The following PDE4D variants were observed in gnomAD, a reference collection of about 807,000 sequenced individuals.
PDE4D encodes the protein 3',5'-cyclic-AMP phosphodiesterase 4D.
A neutral mutation model predicts 87.4 loss-of-function variants in PDE4D; 24 were observed. The ratio of observed to expected loss-of-function variants is 0.27; its 90% CI spans 0.20 to 0.39. The LOEUF is 0.39. Among genes scored for constraint, PDE4D ranks in the 10% least tolerant of loss-of-function variants. The pLI, the probability that PDE4D is intolerant of heterozygous loss-of-function variation, is 1.00. For synonymous variants in PDE4D, 384 were observed against 383.2 expected (o/e 1.00, Z -0.02); for missense variants, 714 against 1,041.0 (o/e 0.69, Z 4.32).
chr5:60,386,579 TCCA>T (rs1762208499), intron 1 of PDE4D, among the ~76,000 whole-genome samples: 3 of 152,184 alleles, frequency 2.0e-5, no homozygotes, highest in African/African-American at 7.2e-5. Flanking sequence ...TTCTGCCAGC[TCCA>T]GCACTGATGG....
chr5:60,335,009 C>T (rs1332612473), intron 1 of PDE4D: 3 of 152,136 alleles, frequency 2.0e-5, no homozygotes, highest in East Asian at 1.9e-4. Context: ...ACACCAAAGG[C>T]CTGTTCTAGG....
chr5:58,990,237 A>G (rs1747578164), intron 9 of PDE4D, among the ~76,000 whole-genome samples: 1 of 152,058 alleles, frequency 6.6e-6, no homozygotes, highest in Admixed American at 6.6e-5. Context: ...AGCACTATTA[A>G]CTCAACCCCT....
rs1414815090 is a variant in PDE4D, at chr5:59,090,939, C to G, written c.809-51968G>C. 3 of 273,416 alleles carry G rather than the reference C, an allele frequency of 1.1e-5. No individual in the cohort carries two copies. The East Asian group carries it at 3.2e-4, about 29-fold the overall frequency. The allele number at this position is 273,416 out of a possible 1,614,324, so 16.9% of individuals were successfully genotyped here. A position where few individuals can be genotyped will look rare whatever the true frequency, so the allele number is the denominator to read the frequency against. On this transcript the variant is annotated intron_variant, in intron 5 of 14. Transcript: ENST00000340635. The stretch of plus-strand genomic sequence containing the variant: ...CGCCTCTCTTATTGCCATGTTGTGA[C>G]AAATACTCTAACTTATTTGGCCTTT...
intron 1 of PDE4D, among the ~76,000 whole-genome samples, chr5:60,247,248 T>G (rs770654127): frequency 1.3e-5 from 2 of 151,976 alleles, no homozygotes; most frequent in African/African-American, 4.8e-5. Flanking sequence ...TCAATTCAAG[T>G]GTTTATCCCT....
At chr5:59,478,099 C>T (rs1247770785) in intron 1 of PDE4D, among the ~76,000 whole-genome samples, 2 of 151,978 alleles carry the variant, frequency 1.3e-5, no homozygotes, top group African/African-American at 2.4e-5. Flanking sequence ...ATGCTATGCT[C>T]ACTATCTGGG....
chr5:58,982,301 G>T (rs910018265), intron 11 of PDE4D, among the ~76,000 whole-genome samples: 2 of 152,126 alleles, frequency 1.3e-5, no homozygotes, highest in Non-Finnish European at 2.9e-5. Context: ...CCCCAGCCCT[G>T]CAAGGTCTTG....
intron 1 of PDE4D, among the ~76,000 whole-genome samples, chr5:59,854,269 C>T (rs1248862968): frequency 1.3e-5 from 2 of 148,410 alleles, no homozygotes; most frequent in Non-Finnish European, 2.9e-5. Context: ...CTAATTTTTT[C>T]ATGTTATCTT....
intron 3 of PDE4D, among the ~76,000 whole-genome samples, chr5:59,931,802 C>T (rs899662541): frequency 3.3e-5 from 5 of 150,480 alleles, no homozygotes; most frequent in Non-Finnish European, 5.9e-5. Flanking sequence ...CCCAGGTTCA[C>T]ACCATTCTCC....
chr5:59,664,821 G>A (rs547581131), intron 1 of PDE4D, among the ~76,000 whole-genome samples: 1 of 152,218 alleles, frequency 6.6e-6, no homozygotes, highest in Non-Finnish European at 1.5e-5. Context: ...TTAAATGGCA[G>A]AGAAAATTCT....
intron 1 of PDE4D, among the ~76,000 whole-genome samples, chr5:60,314,166 TATG>T (rs1236791403): frequency 1.3e-5 from 2 of 150,820 alleles, no homozygotes; most frequent in East Asian, 2.0e-4. Context: ...ATGCAGACAG[TATG>T]ATTTTTTTTT....
chr5:60,281,950 T>C (rs999305883), intron 1 of PDE4D, among the ~76,000 whole-genome samples: 14 of 151,742 alleles, frequency 9.2e-5, no homozygotes, highest in African/African-American at 3.2e-4. Context: ...GGTGGGAGGA[T>C]CACTTGAGTC....
At chr5:58,999,795 C>G in intron 6 of PDE4D, 2 of 1,007,804 alleles carry the variant, frequency 2.0e-6, no homozygotes, top group Non-Finnish European at 2.4e-6. Context: ...AAAGAAAATC[C>G]ACGTGATAAA....
At chr5:60,291,319 C>T (rs1250538360) in intron 1 of PDE4D, among the ~76,000 whole-genome samples, 3 of 152,144 alleles carry the variant, frequency 2.0e-5, no homozygotes, top group African/African-American at 7.2e-5. Flanking sequence ...AAATATCAAA[C>T]TATGAATGTT....
chr5:59,368,363 CCATT>C (rs1248431082), intron 1 of PDE4D, among the ~76,000 whole-genome samples: 1 of 152,050 alleles, frequency 6.6e-6, no homozygotes, highest in African/African-American at 2.4e-5. Flanking sequence ...CAAAAATTGT[CCATT>C]CATCTTAAAA....
intron 5 of PDE4D, among the ~76,000 whole-genome samples, chr5:59,145,987 C>T (rs1778588569): frequency 6.6e-6 from 1 of 151,988 alleles, no homozygotes; most frequent in Non-Finnish European, 1.5e-5. Context: ...ATTAGCTGGG[C>T]GTGATGACAT....
intron 1 of PDE4D, among the ~76,000 whole-genome samples, chr5:59,500,880 C>G (rs2153664245): frequency 6.6e-6 from 1 of 152,154 alleles, no homozygotes; most frequent in African/African-American, 2.4e-5. Context: ...TTTTTCTCCC[C>G]TTCTGATCTT....
intron 1 of PDE4D, among the ~76,000 whole-genome samples, chr5:59,454,803 G>C (rs1433751991): frequency 6.6e-6 from 1 of 152,222 alleles, no homozygotes; most frequent in Non-Finnish European, 1.5e-5. Flanking sequence ...GGTCCAGGCT[G>C]AGGTGGTCTC....
intron 1 of PDE4D, among the ~76,000 whole-genome samples, chr5:59,804,001 C>G (rs573908565): frequency 6.6e-6 from 1 of 152,150 alleles, no homozygotes; most frequent in East Asian, 1.9e-4. Context: ...CCATGTCCCA[C>G]TTTCTTTTTA....
chr5:59,909,292 C>G (rs1003155431), intron 3 of PDE4D, among the ~76,000 whole-genome samples: 3 of 152,168 alleles, frequency 2.0e-5, no homozygotes, highest in Non-Finnish European at 4.4e-5. Flanking sequence ...TATTTAGAAT[C>G]TAACCCTTAA....
Sources: allele counts gnomAD v4.1 joint callset (sites outside exome capture counted in the v4.1 genomes callset), GRCh38; gene constraint gnomAD v4.1.1; transcripts MANE v1.5; gene names NCBI Gene and HGNC (gene_info 2026-07-23, HGNC 2026-07-21).